Variants in CDH4 observed in about 807,000 individuals in gnomAD.
The protein encoded by CDH4 is cadherin 4.
A neutral mutation model predicts 86.0 loss-of-function variants in CDH4; 33 were observed. The observed-to-expected ratio is 0.38, with a 90% CI of 0.29 to 0.51. The LOEUF (loss-of-function observed/expected upper bound fraction) is 0.51, where lower values mean the gene tolerates loss of function less well. Ranked by LOEUF, CDH4 falls within the 20% of genes least tolerant of loss-of-function variation. The pLI is 0.86. For missense variants in CDH4, 1,114 were observed against 1,307.4 expected, an observed-to-expected ratio of 0.85 and a Z score of 2.28; for synonymous variants, 555 against 549.4, an observed-to-expected ratio of 1.01 and a Z score of -0.14.
At chr20:61,780,786 C>A (rs746372978) in intron 4 of CDH4, among the ~76,000 whole-genome samples, 2 of 152,202 alleles carry the variant, frequency 1.3e-5, no homozygotes, top group Non-Finnish European at 2.9e-5. Context: ...CTGGGTGAGA[C>A]GTGTGTGCAG....
At chr20:61,772,900 C>T in intron 3 of CDH4, 103 bp from the exon 4 acceptor site, 1 of 974,816 alleles carries the variant, frequency 1.0e-6, no homozygotes, top group African/African-American at 1.6e-5. Context: ...CCCGCCTTCC[C>T]TCTCAGTCTC....
At chr20:61,586,748 A>G (rs1325794859) in intron 2 of CDH4, among the ~76,000 whole-genome samples, 1 of 152,174 alleles carries the variant, frequency 6.6e-6, no homozygotes, top group African/African-American at 2.4e-5. Flanking sequence ...CACACTCTCA[A>G]TCACCATCCT....
intron 2 of CDH4, among the ~76,000 whole-genome samples, chr20:61,339,314 C>T (rs2084636837): frequency 6.6e-6 from 1 of 152,068 alleles, no homozygotes; most frequent in Non-Finnish European, 1.5e-5. Context: ...ACAGGTCTTC[C>T]ACTGATGGTG....
At chr20:61,256,096 T>C (rs1046441539) in intron 2 of CDH4, among the ~76,000 whole-genome samples, 11 of 152,232 alleles carry the variant, frequency 7.2e-5, no homozygotes, top group African/African-American at 2.4e-4. Context: ...ACTCTGTTAA[T>C]TGCACTGTGT....
chr20:61,555,221 A>G (rs1350101555), intron 2 of CDH4, among the ~76,000 whole-genome samples: 1 of 152,236 alleles, frequency 6.6e-6, no homozygotes, highest in Admixed American at 6.5e-5. Context: ...AGAACCAGGC[A>G]GCCTCCTTGT....
intron 9 of CDH4, among the ~76,000 whole-genome samples, chr20:61,923,030 C>T (rs2054999139): frequency 1.3e-5 from 2 of 152,226 alleles, no homozygotes; most frequent in African/African-American, 4.8e-5. Context: ...TTGGGGGCCA[C>T]CATCTGACCC....
At chr20:61,662,797 G>T (rs1026704797) in intron 2 of CDH4, among the ~76,000 whole-genome samples, 1 of 152,168 alleles carries the variant, frequency 6.6e-6, no homozygotes, top group Non-Finnish European at 1.5e-5. Flanking sequence ...GGGAGGTACC[G>T]TTTCCTGCAG....
intron 7 of CDH4, among the ~76,000 whole-genome samples, chr20:61,892,646 TG>T (rs1205601327): frequency 6.6e-6 from 1 of 152,204 alleles, no homozygotes; most frequent in East Asian, 1.9e-4. Flanking sequence ...GTTGAGGGTT[TG>T]GATGTATGCC....
intron 2 of CDH4, among the ~76,000 whole-genome samples, chr20:61,353,764 C>CTCCCCCCCCCT (rs2084730315): frequency 7.1e-6 from 1 of 141,786 alleles, no homozygotes; most frequent in Non-Finnish European, 1.5e-5. Context: ...ATGATTCACC[C>CTCCCCCCCCCT]CAGTTCACCT....
intron 2 of CDH4, among the ~76,000 whole-genome samples, chr20:61,367,235 C>T (rs151055058): frequency 1.2e-3 from 172 of 146,104 alleles, no homozygotes; most frequent in African/African-American, 4.0e-3. Context: ...ATCACATTTC[C>T]TAACACACCT....
intron 2 of CDH4, among the ~76,000 whole-genome samples, chr20:61,636,783 C>T (rs780560183): frequency 1.9e-4 from 29 of 152,226 alleles, no homozygotes; most frequent in Non-Finnish European, 3.7e-4. Flanking sequence ...GTGCCTGAAC[C>T]CCAGAGGGAA....
intron 4 of CDH4, among the ~76,000 whole-genome samples, chr20:61,828,140 T>TAATGA (rs1311211674): frequency 6.6e-6 from 1 of 152,160 alleles, no homozygotes; most frequent in Non-Finnish European, 1.5e-5. Flanking sequence ...TTGTGATCTT[T>TAATGA]AATGAAATAA....
chr20:61,291,975 CT>C (rs1412526222), intron 2 of CDH4, among the ~76,000 whole-genome samples: 1 of 152,144 alleles, frequency 6.6e-6, no homozygotes, highest in Non-Finnish European at 1.5e-5. Context: ...TTAGCTCCCT[CT>C]TATAAGTGAG....
At chr20:61,696,882 A>G (rs1011311179) in intron 2 of CDH4, among the ~76,000 whole-genome samples, 8 of 152,202 alleles carry the variant, frequency 5.3e-5, no homozygotes, top group African/African-American at 1.7e-4. Flanking sequence ...CCTAAATCCA[A>G]TGGCAGGGGT....
intron 3 of CDH4, among the ~76,000 whole-genome samples, chr20:61,766,589 A>T (rs911036277): frequency 9.2e-5 from 14 of 152,178 alleles, no homozygotes; most frequent in Admixed American, 5.9e-4. Context: ...CCTTTCACAG[A>T]TGAGGGACTG....
intron 2 of CDH4, among the ~76,000 whole-genome samples, chr20:61,280,781 C>T (rs369543694): frequency 2.6e-5 from 4 of 152,280 alleles, no homozygotes; most frequent in East Asian, 1.9e-4. Flanking sequence ...TGTGAAGCGC[C>T]GGCCACAGCG....
At chr20:61,270,008 T>A (rs2084175905) in intron 2 of CDH4, among the ~76,000 whole-genome samples, 1 of 152,214 alleles carries the variant, frequency 6.6e-6, no homozygotes, top group Admixed American at 6.5e-5. Context: ...GTGGCTTGAT[T>A]TGATGGGTTT....
chr20:61,552,785 C>CA lies in CDH4; in HGVS notation c.170-190776dup, dbSNP rs923725568. 1.7e-4 allele frequency among the ~76,000 whole-genome samples: 26 copies of CA among 151,906 alleles called. 1 individual carries two copies. In the Middle Eastern group the frequency reaches 0.01, roughly 60 times the overall value. ...ATGGCTGTAATTAAAAAGACAATAA[C>CA]AAGTGTTGGCAAGGATGTGGAGACA... On this transcript the variant is annotated intron_variant, in intron 2 of 15. Coordinates refer to ENST00000614565, the MANE Select transcript of CDH4 (RefSeq NM_001794.5).
intron 2 of CDH4, among the ~76,000 whole-genome samples, chr20:61,574,222 C>T (rs1280451751): frequency 1.3e-5 from 2 of 152,254 alleles, no homozygotes; most frequent in African/African-American, 4.8e-5. Context: ...GAGCAAGCAG[C>T]ACCATGCTGT....
Sources: gnomAD v4.1 joint callset for allele counts (sites outside exome capture counted in the v4.1 genomes callset) on GRCh38, gnomAD v4.1.1 for gene constraint, MANE v1.5 for transcripts, NCBI Gene and HGNC (gene_info 2026-07-23, HGNC 2026-07-21) for gene names.